Variants in RGL3 observed in about 807,000 individuals in gnomAD.
RGL3 encodes the protein ral guanine nucleotide dissociation stimulator-like 3.
RGL3 carries 85 observed loss-of-function variants against 90.6 expected under a neutral mutation model. That is an observed-to-expected ratio of 0.94 (90% CI 0.79 to 1.12). The LOEUF (loss-of-function observed/expected upper bound fraction) is 1.12, where lower values mean the gene tolerates loss of function less well. Among genes scored for constraint, RGL3 ranks in the 50% most tolerant of loss-of-function variants. The probability of loss-of-function intolerance (pLI) is 0.00; values close to 1 mark genes in which losing one functional copy is unlikely to be tolerated. For synonymous variants in RGL3, 408 were observed against 385.5 expected, an observed-to-expected ratio of 1.06 and a Z score of -0.68; for missense variants, 1,034 against 939.2, an observed-to-expected ratio of 1.10 and a Z score of -1.32.
chr19:11,415,817 G>C, intron 5 of RGL3, 120 bp downstream of exon 5: 1 of 900,896 alleles, frequency 1.1e-6, no homozygotes, highest in Non-Finnish European at 1.7e-6. Context: ...AGAAATTGAG[G>C]CTTAGAGTTT....
At position 11,415,971 on chromosome 19, in the gene RGL3, T is replaced by G. The variant is rs755552211; in HGVS notation, c.603A>C (p.Arg201=). Residue 201 remains arginine, a synonymous_variant, in exon 5 of 19, where the codon CGA becomes CGC. Coordinates refer to ENST00000380456, the MANE Select transcript of RGL3 (RefSeq NM_001035223.4). ...CCTGAGGCGGCTCCTCTTCCTGCTC[T>G]CGCTCAGCCTCCTCCAAAAAATCTT... The part of the protein sequence containing the change: ...LLEDFLEEAE[R]EQEEEPPQVW... 6.2e-7 allele frequency: 1 copy of G among 1,613,878 alleles called. No individual in the cohort carries two copies.
chr19:11,403,838 A>G (rs74631485), intron 9 of RGL3, among the ~76,000 whole-genome samples: 1,527 of 152,112 alleles, frequency 0.01, 24 homozygotes, highest in East Asian at 0.059. Context: ...CAGGCCTGCC[A>G]GGGATCTCCT....
rs778079648 is a variant in RGL3, at chr19:11,416,129, C to T, written c.445G>A (p.Gly149Ser). Reference protein sequence around the residue: ...KNLRAVVSVLGSWLQDHPQDF... With the variant: ...KNLRAVVSVLSSWLQDHPQDF... ...TGAGGGTGGTCCTGCAGCCAGGAGC[C>T]CAGCACTGACACCACAGCCCTGGCC... Residue 149 changes from glycine to serine, a missense_variant, in exon 5 of 19, where the codon GGC becomes AGC. Gly to Ser is a moderately conservative substitution (Grantham distance 56, BLOSUM62 0). Coordinates refer to ENST00000380456, the MANE Select transcript of RGL3 (RefSeq NM_001035223.4). 5.7e-6 allele frequency: 9 copies of T among 1,580,414 alleles called. No homozygotes were observed. Among genetic ancestry groups the T allele is most frequent in the East Asian group, 4.5e-5 (2 of 44,400 alleles).
At chr19:11,399,556 A>G (rs1222647687) in intron 16 of RGL3, among the ~76,000 whole-genome samples, 1 of 152,044 alleles carries the variant, frequency 6.6e-6, no homozygotes, top group Non-Finnish European at 1.5e-5. Context: ...GTGACAGAGC[A>G]AGAAGACCCT....
chr19:11,416,902 G>T lies in RGL3; in HGVS notation c.305C>A (p.Thr102Asn). ...FMPAFLATYR[T>N]FVPTACLLGF... ...CAGCAGGCAGGCAGTGGGTACAAAG[G>T]TCCGGTAGGTGGCCAGGAAGGCGGG... Residue 102 changes from threonine (T) to asparagine (N), a missense_variant, in exon 3 of 19, where the codon ACC (threonine) becomes AAC (asparagine). By Grantham distance (65) the Thr-to-Asn change is moderately conservative. Transcript: ENST00000380456. 5 of 1,614,090 alleles carry T rather than the reference G, an allele frequency of 3.1e-6. No individual in the cohort carries two copies. Among genetic ancestry groups the T allele is most frequent in the Non-Finnish European group, 4.2e-6 (5 of 1,180,006 alleles).
chr19:11,416,548 C>T (rs371743907), intron 4 of RGL3, 66 bp downstream of exon 4: 20 of 1,500,724 alleles, frequency 1.3e-5, no homozygotes, highest in Admixed American at 8.4e-5. Flanking sequence ...AACCCCAGTC[C>T]GACTGCTAAC....
Position 11,405,370 on chromosome 19 carries a change from T to A in RGL3, c.1053A>T (p.Gln351His). ...SSLRAILSAL[Q>H]SNPIYRLKRS... ...GCTTGAGCCGGTAGATGGGGTTAGA[T>A]TGCAGGGCGGACAGGATGGCGCGCA... is the stretch of plus-strand genomic sequence containing the variant. The change falls in exon 8 of 19, where the codon CAA becomes CAT. Residue 351 changes from glutamine (Q) to histidine (H), a missense_variant. Coordinates refer to ENST00000380456, the MANE Select transcript of RGL3 (RefSeq NM_001035223.4). The A allele has an allele frequency of 6.2e-7, 1 of 1,611,704 alleles. No homozygotes were observed. The highest frequency in any genetic ancestry group is 8.5e-7 in the Non-Finnish European group (1 of 1,179,134).
At position 11,418,862 on chromosome 19, in the gene RGL3, G is replaced by C. The variant is rs901651276; in HGVS notation, c.34-78C>G. 6 of 1,173,914 alleles carry C rather than the reference G, an allele frequency of 5.1e-6. No homozygotes were observed. The African/African-American group carries it at 9.3e-5, about 18-fold the overall frequency. 72.7% of individuals were successfully genotyped at this position (1,173,914 alleles called of 1,614,324 possible). On this transcript the variant is annotated intron_variant, in intron 1 of 18. Transcript: ENST00000380456. Reference sequence around the variant, plus strand: ...CAGCCTCCTTGGCCGCTCGGACTCGGGCCGAGTCCTCCTGCTGCATCCCCA... The same window carrying C: ...CAGCCTCCTTGGCCGCTCGGACTCGCGCCGAGTCCTCCTGCTGCATCCCCA...
chr19:11,414,174 T>TATAC (rs1158119172), intron 5 of RGL3, among the ~76,000 whole-genome samples: 1 of 85,258 alleles, frequency 1.2e-5, no homozygotes, highest in Non-Finnish European at 2.3e-5. Context: ...TATATATATA[T>TATAC]ATACACCTAT....
intron 2 of RGL3, 166 bp downstream of exon 2, chr19:11,418,505 A>T: frequency 3.7e-6 from 2 of 547,416 alleles, no homozygotes; most frequent in Non-Finnish European, 6.3e-6. Flanking sequence ...CCCCCCACTT[A>T]CCTGGCCGCC....
chr19:11,414,488 T>A (rs1968949480), intron 5 of RGL3, among the ~76,000 whole-genome samples: 1 of 43,288 alleles, frequency 2.3e-5, no homozygotes, highest in Admixed American at 3.7e-4. Context: ...TATATACACC[T>A]TCATATATAT....
At chr19:11,414,500 T>C (rs1286304054) in intron 5 of RGL3, among the ~76,000 whole-genome samples, 3 of 75,150 alleles carry the variant, frequency 4.0e-5, no homozygotes, top group African/African-American at 1.5e-4. Flanking sequence ...CATATATATA[T>C]ATATATATAT....
intron 5 of RGL3, among the ~76,000 whole-genome samples, chr19:11,413,998 G>A (rs1319887640): frequency 2.7e-5 from 4 of 148,602 alleles, no homozygotes; most frequent in Admixed American, 6.7e-5. Context: ...CGCCCCCGTC[G>A]GCCTCCCAAA....
At chr19:11,414,508 T>C (rs1317630031) in intron 5 of RGL3, among the ~76,000 whole-genome samples, 2 of 115,226 alleles carry the variant, frequency 1.7e-5, no homozygotes, top group African/African-American at 6.9e-5. Flanking sequence ...TATATATATA[T>C]ATATATATAT....
At chr19:11,414,229 CTT>C (rs1466285244) in intron 5 of RGL3, among the ~76,000 whole-genome samples, 12 of 63,092 alleles carry the variant, frequency 1.9e-4, no homozygotes, top group African/African-American at 8.1e-4. Flanking sequence ...ATATATATAC[CTT>C]TATATATATA....
intron 16 of RGL3, 80 bp downstream of exon 16, chr19:11,399,775 A>G (rs749059511): frequency 1.0e-5 from 8 of 785,126 alleles, no homozygotes; most frequent in Non-Finnish European, 1.4e-5. Flanking sequence ...GTGTGTACAC[A>G]TGTGCATGCA....
At chr19:11,400,680 C>T (rs143611840) in intron 13 of RGL3, among the ~76,000 whole-genome samples, 2,278 of 151,612 alleles carry the variant, frequency 0.015, 60 homozygotes, top group African/African-American at 0.053. Flanking sequence ...AGTGAAACCC[C>T]GTCTCTACTA....
intron 9 of RGL3, 64 bp downstream of exon 9, chr19:11,405,083 T>C: frequency 1.5e-6 from 2 of 1,329,790 alleles, no homozygotes; most frequent in East Asian, 2.3e-5. Context: ...TACCCCTGCC[T>C]GGCCCCAAGT....
In RGL3 at chr19:11,406,426, A is replaced by G; in HGVS notation, c.989T>C (p.Ile330Thr). The change falls in exon 7 of 19, where the codon ATC becomes ACC. Residue 330 changes from isoleucine to threonine, a missense_variant. Transcript: ENST00000380456. ...RAQRLEKWIR[I>T]AQRCRELRNF... ...TCCGCGCCCGCAACACACCTGGGCGATGCGGATCCACTTCTCCAGCCGCTG... is the reference window on the plus strand; with the variant it reads ...TCCGCGCCCGCAACACACCTGGGCGGTGCGGATCCACTTCTCCAGCCGCTG... 3 of 1,536,898 alleles carry G rather than the reference A, an allele frequency of 2.0e-6. No homozygotes were observed. The highest frequency in any genetic ancestry group is 2.6e-6 in the Non-Finnish European group (3 of 1,146,062).
Sources: allele counts gnomAD v4.1 joint callset (sites outside exome capture counted in the v4.1 genomes callset), GRCh38; gene constraint gnomAD v4.1.1; transcripts MANE v1.5; gene names NCBI Gene and HGNC (gene_info 2026-07-23, HGNC 2026-07-21).